Variants in VAV2 observed in about 807,000 individuals in gnomAD.
VAV2 encodes the protein vav guanine nucleotide exchange factor 2.
A neutral mutation model predicts 132.5 loss-of-function variants in VAV2; 67 were observed. The ratio of observed to expected loss-of-function variants is 0.51; its 90% CI spans 0.42 to 0.62. VAV2 has a LOEUF of 0.62. Among genes scored for constraint, VAV2 ranks in the 20% least tolerant of loss-of-function variants. The probability of loss-of-function intolerance (pLI) is 0.00; values close to 1 mark genes in which losing one functional copy is unlikely to be tolerated. For missense variants in VAV2, 938 were observed against 1,153.6 expected, an observed-to-expected ratio of 0.81 and a Z score of 2.71; for synonymous variants, 492 against 443.5, an observed-to-expected ratio of 1.11 and a Z score of -1.37.
chr9:133,856,465 G>A (rs1006101442), intron 3 of VAV2, among the ~76,000 whole-genome samples: 6 of 151,538 alleles, frequency 4.0e-5, no homozygotes, highest in Non-Finnish European at 7.4e-5. Flanking sequence ...GCCCCCCACC[G>A]GGACCCCATG....
intron 4 of VAV2, among the ~76,000 whole-genome samples, chr9:133,819,277 T>C (rs911053075): frequency 7.5e-5 from 11 of 146,466 alleles, no homozygotes; most frequent in Non-Finnish European, 1.5e-4. Flanking sequence ...ACCCCGTCTC[T>C]ACTAAAAAAT....
intron 1 of VAV2, among the ~76,000 whole-genome samples, chr9:133,980,619 T>G (rs977243130): frequency 6.6e-6 from 1 of 152,176 alleles, no homozygotes; most frequent in Non-Finnish European, 1.5e-5. Flanking sequence ...AGACTCATCA[T>G]CTGCTGCAGG....
intron 1 of VAV2, among the ~76,000 whole-genome samples, chr9:133,964,866 T>C (rs1371265255): frequency 1.3e-5 from 2 of 152,188 alleles, no homozygotes; most frequent in East Asian, 3.8e-4. Context: ...GCTAACATTA[T>C]ACTGAATGGG....
chr9:133,920,586 G>A (rs1284014705), intron 2 of VAV2, among the ~76,000 whole-genome samples: 4 of 152,098 alleles, frequency 2.6e-5, no homozygotes, highest in Admixed American at 6.5e-5. Flanking sequence ...AGCAGGGGAG[G>A]TGCCCCCTCC....
In VAV2 at chr9:133,797,762, T is replaced by C; in HGVS notation, c.884A>G (p.Asn295Ser). ...EYCSHMEHAQ[N>S]TLNQLLASRE... ...GCTGGCCAGGAGCTGGTTCAGTGTG[T>C]TCTGGGCGTGCTCCATGTGGCTGCA... Residue 295 changes from asparagine (N) to serine (S), a missense_variant, in exon 10 of 30, where the codon AAC becomes AGC. By Grantham distance (46) the Asn-to-Ser change is conservative. Transcript: ENST00000371850. The C allele has an allele frequency of 3.1e-6, 5 of 1,614,086 alleles. No homozygotes were observed. The highest frequency in any genetic ancestry group is 4.2e-6 in the Non-Finnish European group (5 of 1,179,978).
chr9:133,818,360 C>T (rs942142948), intron 4 of VAV2, among the ~76,000 whole-genome samples: 5 of 133,974 alleles, frequency 3.7e-5, no homozygotes, highest in Admixed American at 7.5e-5. Context: ...AGCAAGACTC[C>T]ATCTCAAAAA....
At chr9:133,934,995 T>G (rs1840852862) in intron 2 of VAV2, among the ~76,000 whole-genome samples, 1 of 150,830 alleles carries the variant, frequency 6.6e-6, no homozygotes, top group African/African-American at 2.4e-5. Flanking sequence ...AGCCCTGGAG[T>G]CCCCAGCCCC....
chr9:133,812,404 C>T (rs1835395420), intron 4 of VAV2, among the ~76,000 whole-genome samples, 188 bp from the exon 5 acceptor site: 6 of 152,230 alleles, frequency 3.9e-5, no homozygotes, highest in Admixed American at 3.9e-4. Context: ...AACTGGGCAG[C>T]GTAAGGCGCA....
At chr9:133,776,156 AGT>A in intron 23 of VAV2, 76 bp from the exon 24 acceptor site, 1 of 1,572,232 alleles carries the variant, frequency 6.4e-7, no homozygotes, top group Admixed American at 1.7e-5. Flanking sequence ...GGTCATTGTC[AGT>A]GACTGCCCTG....
intron 4 of VAV2, among the ~76,000 whole-genome samples, chr9:133,817,638 C>T (rs1028263129): frequency 4.6e-5 from 7 of 152,194 alleles, no homozygotes; most frequent in Admixed American, 2.6e-4. Flanking sequence ...TAATAAAGTG[C>T]GTAACTTCCA....
intron 21 of VAV2, 112 bp downstream of exon 21, chr9:133,779,806 G>C: frequency 7.0e-7 from 1 of 1,428,738 alleles, no homozygotes; most frequent in South Asian, 1.4e-5. Flanking sequence ...CAGGAGCCTG[G>C]AGCGTCTGGT....
chr9:133,910,797 C>CT (rs1839854210), intron 2 of VAV2, among the ~76,000 whole-genome samples: 1 of 138,882 alleles, frequency 7.2e-6, no homozygotes, highest in Admixed American at 7.9e-5. Context: ...GCACCCCAGC[C>CT]TGGGCGACAG....
chr9:133,898,835 T>A (rs1444167595), intron 2 of VAV2, among the ~76,000 whole-genome samples: 1 of 66,704 alleles, frequency 1.5e-5, no homozygotes. Flanking sequence ...TTTTTTTTTT[T>A]TTTTTTGAGA....
intron 1 of VAV2, among the ~76,000 whole-genome samples, chr9:133,972,017 G>A (rs937411644): frequency 6.6e-6 from 1 of 152,116 alleles, no homozygotes; most frequent in African/African-American, 2.4e-5. Context: ...GAAGTCTTCT[G>A]CCCCAGGTCA....
At chr9:133,811,527 G>C (rs544825876) in intron 5 of VAV2, among the ~76,000 whole-genome samples, 51 of 152,348 alleles carry the variant, frequency 3.3e-4, no homozygotes, top group African/African-American at 1.2e-3. Context: ...CCTCATTCCA[G>C]CTCCGCTGGA....
chr9:133,908,781 C>T lies in VAV2; in HGVS notation c.321+30322G>A, dbSNP rs537338491. Among the ~76,000 whole-genome samples the T allele has an allele frequency of 4.0e-3, 614 of 152,380 alleles. 2 individuals are homozygous for T. The highest frequency in any genetic ancestry group is 5.7e-3 in the Non-Finnish European group (387 of 68,042). ...GCAGACGCAGCTACAAACCAGGTGC[C>T]AGGAGCAGGCCCCCTCGGGAGCGGA... On this transcript the variant is annotated intron_variant, in intron 2 of 29. Transcript: ENST00000371850.
At chr9:133,791,155 G>C (rs1834441750) in intron 13 of VAV2, among the ~76,000 whole-genome samples, 1 of 152,190 alleles carries the variant, frequency 6.6e-6, no homozygotes, top group South Asian at 2.1e-4. Flanking sequence ...GTCGGCTCCG[G>C]TCAGCACAGA....
chr9:133,888,182 G>A (rs1838788798), intron 2 of VAV2, among the ~76,000 whole-genome samples: 1 of 152,228 alleles, frequency 6.6e-6, no homozygotes, highest in Non-Finnish European at 1.5e-5. Context: ...ACAGCAAGCA[G>A]AAGTGGGGAG....
intron 1 of VAV2, among the ~76,000 whole-genome samples, chr9:133,955,974 G>C (rs1379528507): frequency 6.6e-6 from 1 of 150,914 alleles, no homozygotes; most frequent in Admixed American, 6.6e-5. Flanking sequence ...CTCTCAGACG[G>C]GCAGCCAGCA....
Sources: gnomAD v4.1 joint callset for allele counts (sites outside exome capture counted in the v4.1 genomes callset) on GRCh38, gnomAD v4.1.1 for gene constraint, MANE v1.5 for transcripts, NCBI Gene and HGNC (gene_info 2026-07-23, HGNC 2026-07-21) for gene names.